The following DBF4B variants were observed in gnomAD, a reference collection of about 807,000 sequenced individuals.
DBF4B encodes the protein protein DBF4 homolog B.
DBF4B carries 49 observed loss-of-function variants against 53.4 expected under a neutral mutation model. The ratio of observed to expected loss-of-function variants is 0.92; its 90% confidence interval spans 0.73 to 1.16. The LOEUF is 1.16. Ranked by LOEUF, DBF4B falls within the 50% of genes most tolerant of loss-of-function variation. The pLI is 0.00. For synonymous variants in DBF4B, 257 were observed against 288.7 expected (o/e 0.89, Z 1.11); for missense variants, 692 against 775.0 (o/e 0.89, Z 1.27).
chr17:44,749,016 G>A lies in DBF4B; in HGVS notation c.1189+551G>A, dbSNP rs190616577. On this transcript the variant is annotated intron_variant, in intron 13 of 13. Coordinates refer to ENST00000315005, the MANE Select transcript of DBF4B (RefSeq NM_145663.3). This position sits in a 1 kb window ranked among gnomAD's most constrained non-coding sequence, Gnocchi z 4.4. ...GGCCCCCAGGGCCTGAGGATTCTGA[G>A]TGTACAGCCACTGGCCCTGTATCCC... The A allele has an allele frequency of 3.7e-5, 48 of 1,289,870 alleles. No homozygotes were observed. In the Middle Eastern group the frequency reaches 6.4e-4, roughly 17 times the overall value. 79.9% of individuals were successfully genotyped at this position (1,289,870 alleles called of 1,614,324 possible).
Position 44,751,122 on chromosome 17 carries a change from C to A in DBF4B, c.1717C>A (p.Pro573Thr). The change falls in exon 14 of 14, where the codon CCG (proline) becomes ACG (threonine). Residue 573 changes from proline (P) to threonine (T), a missense_variant. Pro to Thr is a conservative substitution (Grantham distance 38, BLOSUM62 -1). Around this residue, in one of 3 missense-constraint regions of DBF4B, gnomAD observed 597 missense variants for 665.8 expected, o/e 0.90. Coordinates refer to ENST00000315005, the MANE Select transcript of DBF4B (RefSeq NM_145663.3). ...TAGPIPRTSH[P>T]CTLAFPSYLN... ...AGGACCCATTCCCCGAACCTCACAT[C>A]CGTGTACCCTTGCCTTCCCCTCCTA... 1 of 1,614,120 alleles carries A rather than the reference C, an allele frequency of 6.2e-7. No individual in the cohort carries two copies.
intron 3 of DBF4B, among the ~76,000 whole-genome samples, chr17:44,723,252 A>G (rs1974011532): frequency 6.6e-6 from 1 of 152,158 alleles, no homozygotes; most frequent in African/African-American, 2.4e-5. Context: ...GATGACAGGC[A>G]CACACCACCA....
At chr17:44,712,265 A>G (rs1598752635) in intron 2 of DBF4B, among the ~76,000 whole-genome samples, 1 of 142,804 alleles carries the variant, frequency 7.0e-6, no homozygotes, top group Non-Finnish European at 1.5e-5. Context: ...ATATGCTCAT[A>G]CTGTTTTAAT....
chr17:44,738,457 G>C, intron 9 of DBF4B, 33 bp downstream of exon 9: 1 of 1,610,344 alleles, frequency 6.2e-7, no homozygotes, highest in Non-Finnish European at 8.5e-7. Flanking sequence ...GCTTGCCCCA[G>C]CTAGGCCTGC....
rs368247640 is a variant in DBF4B at position 44,751,226 on chromosome 17, C to T, written c.1821C>T (p.Cys607=). 7 of 1,613,414 alleles carry T rather than the reference C, an allele frequency of 4.3e-6. No individual in the cohort carries two copies. The highest frequency in any genetic ancestry group is 1.3e-5 in the African/African-American group (1 of 74,910). ...ACACTCCTCAGCCATTTCTCCATTG[C>T]GGCTTCCTGGCTGTAGACTCAGGTT... ...GWNTPQPFLH[C]GFLAVDSG Residue 607 remains cysteine, a synonymous_variant, in exon 14 of 14, where the codon TGC becomes TGT. Transcript: ENST00000315005.
At chr17:44,717,414 A>T (rs963984946) in intron 2 of DBF4B, among the ~76,000 whole-genome samples, 10 of 152,284 alleles carry the variant, frequency 6.6e-5, no homozygotes, top group East Asian at 5.8e-4. Flanking sequence ...TAGTACAATT[A>T]AAAAAATCCA....
intron 9 of DBF4B, among the ~76,000 whole-genome samples, chr17:44,739,416 A>C (rs1382297336): frequency 6.6e-6 from 1 of 152,228 alleles, no homozygotes; most frequent in Admixed American, 6.5e-5. Context: ...CAGCCCTAGG[A>C]GCCTGGCATG....
intron 2 of DBF4B, among the ~76,000 whole-genome samples, chr17:44,715,350 G>A (rs1334424934): frequency 2.0e-5 from 3 of 151,906 alleles, no homozygotes; most frequent in Non-Finnish European, 2.9e-5. Flanking sequence ...ACAGGCACCC[G>A]CCACCTGGCT....
intron 2 of DBF4B, among the ~76,000 whole-genome samples, chr17:44,711,134 C>T (rs747336182): frequency 3.3e-5 from 5 of 151,296 alleles, no homozygotes; most frequent in Admixed American, 6.6e-5. Context: ...TACAGGAGCA[C>T]GCCACCATGC....
intron 13 of DBF4B, 34 bp downstream of exon 13, chr17:44,748,499 C>G (rs756378106): frequency 1.2e-6 from 2 of 1,612,972 alleles, no homozygotes; most frequent in Non-Finnish European, 1.7e-6. Flanking sequence ...GTGGACAGCA[C>G]GCAGGCACCA....
rs367552305 is a variant in DBF4B at position 44,751,258 on chromosome 17, G to A, written c.*5G>A. The A allele has an allele frequency of 6.8e-6, 11 of 1,608,734 alleles. No individual in the cohort carries two copies. The African/African-American group carries it at 1.2e-4, about 18-fold the overall frequency. On this transcript the variant is annotated 3_prime_UTR_variant, in exon 14 of 14. Transcript: ENST00000315005. ...CTGGCTGTAGACTCAGGTTAGAGGT[G>A]AACCCAGAACACCTGAGACTTGACC...
At chr17:44,716,735 GGA>G (rs1973367147) in intron 2 of DBF4B, among the ~76,000 whole-genome samples, 1 of 152,090 alleles carries the variant, frequency 6.6e-6, no homozygotes, top group Non-Finnish European at 1.5e-5. Context: ...TGCTGGGGTG[GGA>G]GAGGGTTCTG....
chr17:44,741,675 C>T (rs1006848121), intron 10 of DBF4B, among the ~76,000 whole-genome samples: 8 of 152,188 alleles, frequency 5.3e-5, no homozygotes, highest in African/African-American at 1.7e-4. Context: ...AAGGGAGGTG[C>T]CAGGGTTGTG....
At chr17:44,742,669 T>G (rs1171072531) in intron 10 of DBF4B, among the ~76,000 whole-genome samples, 1 of 152,104 alleles carries the variant, frequency 6.6e-6, no homozygotes, top group Non-Finnish European at 1.5e-5. Flanking sequence ...CTCATGTGAT[T>G]TCAGTGAATA....
chr17:44,749,135 C>G lies in DBF4B; in HGVS notation c.1189+670C>G, dbSNP rs754235220. On this transcript the variant is annotated intron_variant, in intron 13 of 13. Transcript: ENST00000315005. The surrounding 1 kb of genome is among the most constrained non-coding windows in gnomAD (Gnocchi z 4.4). Reference sequence around the variant, plus strand: ...ACCAGTGTGCAGCCCTCGGGAGCACCTGTAGAGAGCAGGTCTACCTCCCTC... The same window carrying G: ...ACCAGTGTGCAGCCCTCGGGAGCACGTGTAGAGAGCAGGTCTACCTCCCTC... The G allele has an allele frequency of 4.7e-6, 6 of 1,289,712 alleles. No homozygotes were observed. In the South Asian group the frequency reaches 7.4e-5, roughly 16 times the overall value. The allele number at this position is 1,289,712 out of a possible 1,614,324, so 79.9% of individuals were successfully genotyped here. A position where few individuals can be genotyped will look rare whatever the true frequency, so the allele number is the denominator to read the frequency against.
intron 3 of DBF4B, among the ~76,000 whole-genome samples, chr17:44,729,353 A>G (rs1456815396): frequency 6.6e-6 from 1 of 151,528 alleles, no homozygotes; most frequent in African/African-American, 2.4e-5. Context: ...AGGTGCATGT[A>G]ACAACACCCA....
chr17:44,732,153 A>G (rs766698456), intron 5 of DBF4B, 25 bp from the exon 6 acceptor site: 1 of 1,612,724 alleles, frequency 6.2e-7, no homozygotes, highest in South Asian at 1.1e-5. Context: ...CTCTGCTCCT[A>G]CCTGACTCTG....
At chr17:44,746,324 G>A (rs1181910447) in intron 10 of DBF4B, among the ~76,000 whole-genome samples, 1 of 151,936 alleles carries the variant, frequency 6.6e-6, no homozygotes, top group Non-Finnish European at 1.5e-5. Flanking sequence ...AAGGCAGCAT[G>A]AGAGAAGGGA....
chr17:44,738,183 G>T (rs1197286771), intron 8 of DBF4B, among the ~76,000 whole-genome samples, 196 bp from the exon 9 acceptor site: 2 of 152,236 alleles, frequency 1.3e-5, no homozygotes, highest in Non-Finnish European at 2.9e-5. Context: ...CCCCCCACTG[G>T]TGCAACCTTT....
Sources: allele counts gnomAD v4.1 joint callset (sites outside exome capture counted in the v4.1 genomes callset), GRCh38; gene constraint gnomAD v4.1.1; regional missense constraint gnomAD v4.1.1; non-coding constraint Gnocchi (gnomAD v3.1); transcripts MANE v1.5; gene names NCBI Gene and HGNC (gene_info 2026-07-23, HGNC 2026-07-21).